TTI1: variants seen among roughly 807,000 people sequenced by gnomAD.
TTI1 encodes TELO2 interacting protein 1.
A neutral mutation model predicts 85.4 loss-of-function variants in TTI1; 52 were observed. The observed-to-expected ratio is 0.61, with a 90% CI of 0.49 to 0.77. The LOEUF is 0.77. TTI1 is among the 30% of genes least tolerant of loss of function. The pLI, the probability that TTI1 is intolerant of heterozygous loss-of-function variation, is 0.00. For synonymous variants in TTI1, 512 were observed against 503.9 expected (o/e 1.02, Z -0.22); for missense variants, 1,173 against 1,296.0 (o/e 0.91, Z 1.46).
In TTI1 at chr20:38,013,128, C is replaced by T. The variant is rs1346607780; in HGVS notation, c.689G>A (p.Ser230Asn). The T allele has an allele frequency of 6.2e-7, 1 of 1,614,174 alleles. No individual in the cohort carries two copies. Among genetic ancestry groups the T allele is most frequent in the Admixed American group, 1.7e-5 (1 of 60,026 alleles). Residue 230 changes from serine (S) to asparagine (N), a missense_variant, in exon 2 of 8, where the codon AGC becomes AAC. Transcript: ENST00000373447. Reference protein sequence around the residue: ...LITGDFKQGHSIVVSSLKIFY... With the variant: ...LITGDFKQGHNIVVSSLKIFY... ...GATCTTTAGGGAAGATACGACAATG[C>T]TGTGACCTTGTTTAAAGTCTCCTGT...
intron 7 of TTI1, among the ~76,000 whole-genome samples, chr20:37,995,397 G>C (rs1190953317): frequency 1.3e-5 from 2 of 152,244 alleles, no homozygotes; most frequent in Non-Finnish European, 2.9e-5. Context: ...CCACTCCTCA[G>C]GGAATGAGTT....
intron 5 of TTI1, among the ~76,000 whole-genome samples, chr20:37,997,612 A>C (rs2073361519): frequency 6.6e-6 from 1 of 152,202 alleles, no homozygotes; most frequent in South Asian, 2.1e-4. Flanking sequence ...CTGCTGCACA[A>C]GACTGAGTAT....
chr20:37,996,670 C>G (rs1027516110), intron 6 of TTI1, 79 bp downstream of exon 6: 1 of 1,515,830 alleles, frequency 6.6e-7, no homozygotes, highest in African/African-American at 1.4e-5. Flanking sequence ...GAGGGGGGCA[C>G]GACTGAGCAG....
At chr20:38,023,263 T>C (rs2073793550) in intron 1 of TTI1, among the ~76,000 whole-genome samples, 2 of 152,236 alleles carry the variant, frequency 1.3e-5, no homozygotes, top group Admixed American at 6.5e-5. Flanking sequence ...AAAGGCTGTA[T>C]GTACTCTTTC....
chr20:38,011,533 C>T lies in TTI1; in HGVS notation c.2284G>A (p.Ala762Thr). The change falls in exon 2 of 8, where the codon GCT becomes ACT. Residue 762 changes from alanine to threonine, a missense_variant. Physicochemically the swap from Ala to Thr is moderately conservative, Grantham distance 58. Transcript: ENST00000373447. ...AATGTACCTAATGCTGCCATCAGAG[C>T]ATGCAGAACGCTGACAAAGGAAGCA... ...RAASFVSVLH[A>T]LMAALAQWFP... 1 of 1,614,066 alleles carries T rather than the reference C, an allele frequency of 6.2e-7. No homozygotes were observed. The highest frequency in any genetic ancestry group is 8.5e-7 in the Non-Finnish European group (1 of 1,179,968).
At chr20:38,017,842 C>T (rs2073707428) in intron 1 of TTI1, among the ~76,000 whole-genome samples, 1 of 152,114 alleles carries the variant, frequency 6.6e-6, no homozygotes. Context: ...TCTAAGGAGA[C>T]AAATAGCCTA....
intron 7 of TTI1, among the ~76,000 whole-genome samples, chr20:37,991,422 A>G (rs2073262193): frequency 6.6e-6 from 1 of 152,224 alleles, no homozygotes; most frequent in Non-Finnish European, 1.5e-5. Flanking sequence ...GGGCTCTGAC[A>G]GGGATGAAAT....
In TTI1 at chr20:37,996,584, C is replaced by A. The variant is rs949025895; in HGVS notation, c.2999-122G>T. ...AGATGCTCTGGGCTCTCTACTCCAT[C>A]CCGCCAAAGAACACATCAAGATAAA... On this transcript the variant is annotated intron_variant, in intron 6 of 7. Transcript: ENST00000373447. 7 of 1,408,354 alleles carry A rather than the reference C, an allele frequency of 5.0e-6. No homozygotes were observed. In the African/African-American group the frequency reaches 8.5e-5, roughly 17 times the overall value. The allele number at this position is 1,408,354 out of a possible 1,614,324, so 87.2% of individuals were successfully genotyped here.
rs756725781 is a variant in TTI1, at chr20:38,012,664, G to A, written c.1153C>T (p.Leu385Phe). 6 of 1,614,122 alleles carry A rather than the reference G, an allele frequency of 3.7e-6. No homozygotes were observed. The African/African-American group carries it at 6.7e-5, about 18-fold the overall frequency. The change falls in exon 2 of 8, where the codon CTT becomes TTT. Residue 385 changes from leucine to phenylalanine, a missense_variant. Coordinates refer to ENST00000373447, the MANE Select transcript of TTI1 (RefSeq NM_001303457.2). ...SESLHSLATS[L>F]PRLMNSQDDQ... The stretch of plus-strand genomic sequence containing the variant: ...TCTTGGGAGTTCATTAGGCGAGGAA[G>A]AGATGTGGCAAGGGAATGCAGGCTT...
intron 1 of TTI1, among the ~76,000 whole-genome samples, chr20:38,023,790 T>C (rs1600654192): frequency 6.6e-6 from 1 of 152,220 alleles, no homozygotes; most frequent in African/African-American, 2.4e-5. Flanking sequence ...TTTCCCTCTA[T>C]CTAGAAATGT....
chr20:37,999,778 A>C (rs2073394557), intron 4 of TTI1, among the ~76,000 whole-genome samples: 1 of 152,232 alleles, frequency 6.6e-6, no homozygotes, highest in Non-Finnish European at 1.5e-5. Context: ...GGTGGAACAG[A>C]GCTTTCATAA....
chr20:38,024,487 A>AGG (rs2073811233), intron 1 of TTI1, among the ~76,000 whole-genome samples: 1 of 152,144 alleles, frequency 6.6e-6, no homozygotes, highest in Admixed American at 6.5e-5. Context: ...TTTCTGCCTC[A>AGG]TAGACCCAAG....
intron 7 of TTI1, among the ~76,000 whole-genome samples, chr20:37,985,384 T>C (rs1255012032): frequency 6.6e-6 from 1 of 152,212 alleles, no homozygotes; most frequent in African/African-American, 2.4e-5. Flanking sequence ...GGATTTTAAT[T>C]TCACTAATAT....
At position 38,020,010 on chromosome 20, in the gene TTI1, T is replaced by C. The variant is rs138263678; in HGVS notation, c.-41-6153A>G. Among the ~76,000 whole-genome samples the C allele has an allele frequency of 6.9e-3, 1,056 of 152,288 alleles. 5 individuals carry two copies. The highest frequency in any genetic ancestry group is 0.02 in the African/African-American group (838 of 41,556). The stretch of plus-strand genomic sequence containing the variant: ...TCCCAGTAGGATTTCTGCAGAAATA[T>C]GATGAGTCTAAAACTGATAGAGAAA... On this transcript the variant is annotated intron_variant, in intron 1 of 7. Transcript: ENST00000373447.
Position 38,011,637 on chromosome 20 carries a change from T to C in TTI1, c.2180A>G (p.Asp727Gly). 1 of 1,614,210 alleles carries C rather than the reference T, an allele frequency of 6.2e-7. No homozygotes were observed. The highest frequency in any genetic ancestry group is 8.5e-7 in the Non-Finnish European group (1 of 1,180,048). ...KVLEVMLRNS[D>G]ANLLPLVADV... ...TGCCACCAAAGGAAGCAGGTTAGCA[T>C]CTGAGTTCCGCAGCATGACTTCCAG... The change falls in exon 2 of 8, where the codon GAT (aspartate) becomes GGT (glycine). Residue 727 changes from aspartate (D) to glycine (G), a missense_variant. By Grantham distance (94) the Asp-to-Gly change is moderately conservative. Coordinates refer to ENST00000373447, the MANE Select transcript of TTI1 (RefSeq NM_001303457.2).
In TTI1 at chr20:38,030,528, A is replaced by AACACACACACACACACACACACACAC. The variant is rs3038751; in HGVS notation, c.-42+2850_-42+2875dup. Among the ~76,000 whole-genome samples, 12 of 144,940 alleles carry AACACACACACACACACACACACACAC rather than the reference A, an allele frequency of 8.3e-5. No homozygotes were observed. In the South Asian group the frequency reaches 8.8e-4, roughly 11 times the overall value. ...TATTAGGAAATTCAGCAGTATGTAA[A>AACACACACACACACACACACACACAC]ACACACACACACACACACACACACA... On this transcript the variant is annotated intron_variant, in intron 1 of 7. Transcript: ENST00000373447.
At chr20:38,001,488 T>C (rs1290589112) in intron 4 of TTI1, among the ~76,000 whole-genome samples, 1 of 152,214 alleles carries the variant, frequency 6.6e-6, no homozygotes, top group East Asian at 1.9e-4. Flanking sequence ...GTATGTTGAA[T>C]GTATCAGCCA....
intron 1 of TTI1, among the ~76,000 whole-genome samples, chr20:38,015,606 T>A (rs2122605153): frequency 6.6e-6 from 1 of 152,104 alleles, no homozygotes; most frequent in East Asian, 1.9e-4. Context: ...AATCTTAGAT[T>A]AACAGAACCA....
intron 1 of TTI1, among the ~76,000 whole-genome samples, chr20:38,015,161 C>T (rs11906405): frequency 1.9e-3 from 289 of 152,270 alleles, no homozygotes; most frequent in African/African-American, 6.4e-3. Flanking sequence ...TGCCAGCGGG[C>T]GTGAGCAAGG....
Sources: gnomAD v4.1 joint callset for allele counts (sites outside exome capture counted in the v4.1 genomes callset) on GRCh38, gnomAD v4.1.1 for gene constraint, MANE v1.5 for transcripts, NCBI Gene and HGNC (gene_info 2026-07-23, HGNC 2026-07-21) for gene names.